The following BLTP1 variants were observed in gnomAD, a reference collection of about 807,000 sequenced individuals.
The protein encoded by BLTP1 is fragile site-associated protein.
At chr4:122,332,260 T>C in the BLTP1 span, among the ~76,000 whole-genome samples, 2,248 of 152,064 alleles carry the variant, frequency 0.015, 38 homozygotes, top group South Asian at 0.064. Flanking sequence ...GAGGCTTTTA[T>C]AAAATATGAG....
chr4:122,211,477 A>G, the BLTP1 span, among the ~76,000 whole-genome samples: 1 of 152,192 alleles, frequency 6.6e-6, no homozygotes, highest in Non-Finnish European at 1.5e-5. Context: ...AATAATTGGT[A>G]ATGGAAAAGA....
At chr4:122,271,853 C>A in the BLTP1 span, 2 of 727,314 alleles carry the variant, frequency 2.7e-6, no homozygotes, top group Non-Finnish European at 4.4e-6. Flanking sequence ...AATTGTCTAT[C>A]ACCAGGGAAA....
chr4:122,210,968 C>G, the BLTP1 span: 1 of 1,612,764 alleles, frequency 6.2e-7, no homozygotes, highest in Admixed American at 1.7e-5. Context: ...TCTCCCTCTA[C>G]TTCTTCACGC....
At chr4:122,264,572 A>C in the BLTP1 span, 2 of 597,452 alleles carry the variant, frequency 3.3e-6, no homozygotes, top group Non-Finnish European at 5.1e-6. Flanking sequence ...AAACAGGAGG[A>C]GCCTTTAAAA....
At chr4:122,319,476 T>C in the BLTP1 span, among the ~76,000 whole-genome samples, 1 of 151,966 alleles carries the variant, frequency 6.6e-6, no homozygotes, top group African/African-American at 2.4e-5. Flanking sequence ...TCAGGTATCT[T>C]TCTGTTGTTG....
chr4:122,198,652 T>TTTA, the BLTP1 span, among the ~76,000 whole-genome samples: 1 of 152,062 alleles, frequency 6.6e-6, no homozygotes, highest in Non-Finnish European at 1.5e-5. Flanking sequence ...AACTCTTGAG[T>TTTA]TAAGGGTCTA....
the BLTP1 span, chr4:122,280,052 A>G: frequency 6.2e-7 from 1 of 1,602,208 alleles, no homozygotes; most frequent in Non-Finnish European, 8.5e-7. Context: ...CTGCATTAAC[A>G]AAAGTTTGGA....
chr4:122,246,896 T>G, the BLTP1 span: 32 of 1,529,606 alleles, frequency 2.1e-5, no homozygotes, highest in Non-Finnish European at 2.8e-5. Context: ...TAAAAATACA[T>G]TTCTAAGAAT....
the BLTP1 span, chr4:122,237,549 G>T: frequency 4.6e-6 from 2 of 438,564 alleles, no homozygotes; most frequent in South Asian, 9.6e-5. Flanking sequence ...GATATATGGG[G>T]TTCTTTGTAC....
At chr4:122,221,104 T>C in the BLTP1 span, 1 of 949,730 alleles carries the variant, frequency 1.1e-6, no homozygotes, top group Non-Finnish European at 1.3e-6. Context: ...TTTAGAAATA[T>C]AAATGGAACT....
At chr4:122,280,148 A>G in the BLTP1 span, 1 of 985,444 alleles carries the variant, frequency 1.0e-6, no homozygotes, top group Non-Finnish European at 1.2e-6. Flanking sequence ...TGTGAGAATG[A>G]CTTTTGAAAG....
the BLTP1 span, chr4:122,190,307 G>A: frequency 1.7e-6 from 1 of 599,366 alleles, no homozygotes; most frequent in Non-Finnish European, 2.1e-6. Flanking sequence ...TATTGCCCAG[G>A]CTGATCTCAA....
the BLTP1 span, chr4:122,344,639 A>T: frequency 8.0e-7 from 1 of 1,249,236 alleles, no homozygotes; most frequent in Non-Finnish European, 1.1e-6. Flanking sequence ...ATAGTGTTTA[A>T]ATATTAAGTC....
the BLTP1 span, chr4:122,189,171 CTT>C: frequency 2.5e-6 from 2 of 811,028 alleles, no homozygotes; most frequent in Non-Finnish European, 3.0e-6. Context: ...GTATTTTTCA[CTT>C]AAGTGTGGAG....
At chr4:122,302,260 G>A in the BLTP1 span, 24 of 982,326 alleles carry the variant, frequency 2.4e-5, no homozygotes, top group Non-Finnish European at 2.9e-5. Flanking sequence ...AATTAACGTT[G>A]CCAGTTTTAT....
the BLTP1 span, chr4:122,340,709 CTAGTACT>C: frequency 1.0e-6 from 1 of 984,702 alleles, no homozygotes; most frequent in Non-Finnish European, 1.2e-6. Flanking sequence ...CACCCATTAT[CTAGTACT>C]TAGCTTCAAA....
chr4:122,180,164 T>C, the BLTP1 span: 2 of 985,274 alleles, frequency 2.0e-6, no homozygotes, highest in Non-Finnish European at 2.4e-6. Flanking sequence ...GTAGAAAGAA[T>C]ATAGGATGTG....
At chr4:122,313,886 C>T in the BLTP1 span, 1 of 167,096 alleles carries the variant, frequency 6.0e-6, no homozygotes. Flanking sequence ...TAAATATATA[C>T]ATATATATAT....
the BLTP1 span, chr4:122,245,078 G>T: frequency 6.2e-7 from 1 of 1,612,090 alleles, no homozygotes; most frequent in South Asian, 1.1e-5. Flanking sequence ...AATTGTAGAT[G>T]ATCTTCATGC....
Sources: gnomAD v4.1 joint callset for allele counts (sites outside exome capture counted in the v4.1 genomes callset) on GRCh38, gnomAD v4.1.1 for gene constraint, MANE v1.5 for transcripts, NCBI Gene and HGNC (gene_info 2026-07-23, HGNC 2026-07-21) for gene names.